Variants in FGF13 observed in about 807,000 individuals in gnomAD.
The protein encoded by FGF13 is fibroblast growth factor 13.
FGF13 carries 2 observed loss-of-function variants against 19.5 expected under a neutral mutation model. The ratio of observed to expected loss-of-function variants is 0.10; its 90% CI spans 0.04 to 0.32. The LOEUF is 0.32. FGF13 is among the 10% of genes least tolerant of loss of function. The pLI is 1.00. For synonymous variants in FGF13, 72 were observed against 76.9 expected (o/e 0.94, Z 0.33); for missense variants, 113 against 192.7 (o/e 0.59, Z 2.45).
chrX:139,120,845 T>G (rs189735221), intron 1 of FGF13, among the ~76,000 whole-genome samples: 35 of 112,628 alleles, frequency 3.1e-4, no homozygotes, highest in African/African-American at 1.1e-3. Flanking sequence ...CAGACTGAAG[T>G]CAGGCCTAAA....
intron 1 of FGF13, among the ~76,000 whole-genome samples, chrX:139,007,533 G>A (rs1361379651): frequency 8.9e-6 from 1 of 112,314 alleles, no homozygotes; most frequent in African/African-American, 3.2e-5. Flanking sequence ...TCATCCAACA[G>A]CTACAGAACA....
intron 1 of FGF13, among the ~76,000 whole-genome samples, chrX:139,156,284 C>G (rs773393251): frequency 8.9e-6 from 1 of 111,813 alleles, no homozygotes; most frequent in Non-Finnish European, 1.9e-5. Flanking sequence ...TACCTCCCCT[C>G]TCCCCTCACA....
intron 1 of FGF13, among the ~76,000 whole-genome samples, chrX:138,976,265 A>C (rs1231179268): frequency 8.9e-6 from 1 of 111,776 alleles, no homozygotes; most frequent in Non-Finnish European, 1.9e-5. Context: ...TTTTTTAAAA[A>C]TTGTGAATTG....
At chrX:138,935,606 G>A (rs1031385167) in intron 1 of FGF13, among the ~76,000 whole-genome samples, 5 of 111,876 alleles carry the variant, frequency 4.5e-5, no homozygotes, top group African/African-American at 1.6e-4. Flanking sequence ...ACGAGATGAT[G>A]TGTGCTTTAT....
chrX:138,695,938 A>C (rs2124220704), intron 3 of FGF13, among the ~76,000 whole-genome samples: 1 of 112,262 alleles, frequency 8.9e-6, no homozygotes, highest in African/African-American at 3.2e-5. Context: ...AAATAGTGAT[A>C]ATGCCTTGAA....
chrX:138,887,862 G>A (rs2091458497), intron 1 of FGF13, among the ~76,000 whole-genome samples: 1 of 111,025 alleles, frequency 9.0e-6, no homozygotes, highest in African/African-American at 3.3e-5. Flanking sequence ...TTTTATGTTG[G>A]CTTCCTCTGC....
chrX:138,958,759 T>A lies in FGF13; in HGVS notation c.-112-94109A>T, dbSNP rs181635136. Among the ~76,000 whole-genome samples the A allele has an allele frequency of 6.5e-3, 728 of 111,746 alleles. 3 individuals carry two copies. Among genetic ancestry groups the A allele is most frequent in the Non-Finnish European group, 0.011 (581 of 53,125 alleles). ...CCTGGTTTAGTCTTGGGAGGGTGTA[T>A]GTGTCCAGGAATTTATCCATTTCTT... On this transcript the variant is annotated intron_variant, in intron 1 of 2. Coordinates refer to the FGF13 transcript ENST00000421460.
chrX:139,096,503 G>T lies in FGF13; in HGVS notation c.-113+106913C>A, dbSNP rs183030445. ...TCAAAATCACAAGTAGAAAAATTGTGTTTTGTAAATGGAAAGCTAGGCTGG... is the reference window on the plus strand; with the variant it reads ...TCAAAATCACAAGTAGAAAAATTGTTTTTTGTAAATGGAAAGCTAGGCTGG... On this transcript the variant is annotated intron_variant, in intron 1 of 2. Transcript: ENST00000421460. 4.3e-3 allele frequency among the ~76,000 whole-genome samples: 483 copies of T among 112,040 alleles called. 5 individuals are homozygous for T. Among genetic ancestry groups the T allele is most frequent in the African/African-American group, 0.015 (471 of 30,886 alleles).
chrX:138,854,790 G>A (rs911989345), downstream of FGF13, among the ~76,000 whole-genome samples: 2 of 110,667 alleles, frequency 1.8e-5, no homozygotes, highest in East Asian at 2.9e-4. Flanking sequence ...ACTAGCATAC[G>A]GGCATTGCAT....
At chrX:138,694,149 A>T (rs1260763853) in intron 3 of FGF13, among the ~76,000 whole-genome samples, 1 of 111,776 alleles carries the variant, frequency 8.9e-6, no homozygotes. Context: ...TTCGATTGTC[A>T]CACATTAAAA....
chrX:138,899,302 T>A (rs890622159), intron 1 of FGF13, among the ~76,000 whole-genome samples: 1 of 111,253 alleles, frequency 9.0e-6, no homozygotes, highest in African/African-American at 3.3e-5. Context: ...TGGAAGCTTG[T>A]ATTTAAATAC....
intron 3 of FGF13, among the ~76,000 whole-genome samples, chrX:138,690,965 A>G (rs917844325): frequency 9.0e-6 from 1 of 111,569 alleles, no homozygotes; most frequent in South Asian, 3.8e-4. Context: ...CAACATGATC[A>G]TGGTTTGGGG....
intron 3 of FGF13, among the ~76,000 whole-genome samples, chrX:138,666,741 T>C (rs940568892): frequency 2.7e-5 from 3 of 111,218 alleles, no homozygotes; most frequent in Admixed American, 9.7e-5. Flanking sequence ...TTATCATATA[T>C]GAACAGAATA....
At chrX:138,849,565 T>C (rs1487543646) in intron 3 of FGF13, among the ~76,000 whole-genome samples, 5 of 111,894 alleles carry the variant, frequency 4.5e-5, no homozygotes, top group Non-Finnish European at 7.5e-5. Context: ...ACTTCTAATA[T>C]CAGGATTGGG....
upstream of FGF13, chrX:139,203,530 G>T (rs1372612481): frequency 1.4e-5 from 1 of 72,639 alleles, no homozygotes; most frequent in Non-Finnish European, 2.3e-5. Flanking sequence ...GGAGGTGGTG[G>T]GAAAGGAGGG....
At chrX:138,865,497 CCTCT>C (rs1240640162) in intron 1 of FGF13, among the ~76,000 whole-genome samples, 3 of 99,274 alleles carry the variant, frequency 3.0e-5, no homozygotes, top group Non-Finnish European at 6.2e-5. Context: ...CTCTCTCTCT[CCTCT>C]CTCTCTCCTC....
chrX:139,019,114 T>C (rs1373516282), intron 1 of FGF13, among the ~76,000 whole-genome samples: 1 of 111,786 alleles, frequency 8.9e-6, no homozygotes, highest in African/African-American at 3.3e-5. Flanking sequence ...TATCTTCATG[T>C]CTTATTTTAA....
chrX:139,201,471 C>T (rs1017165758), intron 1 of FGF13, among the ~76,000 whole-genome samples: 1 of 112,059 alleles, frequency 8.9e-6, no homozygotes, highest in Admixed American at 9.5e-5. Flanking sequence ...CAAACTGTTA[C>T]TAAATTATTT....
At chrX:138,734,868 G>C (rs928920838) in intron 1 of FGF13, among the ~76,000 whole-genome samples, 3 of 111,764 alleles carry the variant, frequency 2.7e-5, no homozygotes, top group African/African-American at 9.7e-5. Context: ...ACATCACAGA[G>C]AGAGCACTGC....
Sources: gnomAD v4.1 joint callset for allele counts (sites outside exome capture counted in the v4.1 genomes callset) on GRCh38, gnomAD v4.1.1 for gene constraint, MANE v1.5 for transcripts, NCBI Gene and HGNC (gene_info 2026-07-23, HGNC 2026-07-21) for gene names.